Variants in GYS2 observed in about 807,000 individuals in gnomAD.
GYS2 encodes glycogen [starch] synthase, liver.
Under a neutral mutation model 85.6 loss-of-function variants are expected in GYS2, and 80 were observed. That is an observed-to-expected ratio of 0.93 (90% CI 0.78 to 1.13). The LOEUF is 1.13. Among genes scored for constraint, GYS2 ranks in the 50% most tolerant of loss-of-function variants. The pLI is 0.00. For missense variants in GYS2, 881 were observed against 854.9 expected, an observed-to-expected ratio of 1.03 and a Z score of -0.38; for synonymous variants, 328 against 300.7, an observed-to-expected ratio of 1.09 and a Z score of -0.94.
At chr12:21,541,142 C>T (rs191218410) in intron 13 of GYS2, among the ~76,000 whole-genome samples, 213 of 151,832 alleles carry the variant, frequency 1.4e-3, no homozygotes, top group African/African-American at 5.0e-3. Flanking sequence ...GTGGTGTGCG[C>T]CTGTAGCCCC....
rs1358376676 is a variant in GYS2 at position 21,575,925 on chromosome 12, CATG to C, written c.433_435del (p.His145del). 1.2e-6 allele frequency: 2 copies of C among 1,613,916 alleles called. No homozygotes were observed. Among genetic ancestry groups the C allele is most frequent in the Non-Finnish European group, 1.7e-6 (2 of 1,179,850 alleles). On this transcript the variant is annotated inframe_deletion, in exon 3 of 16. Transcript: ENST00000261195. The stretch of plus-strand genomic sequence containing the variant: ...ATCAGCATATCATTGGCTTCTCGGT[CATG>C]ATAAGGAATGCCGACACTGCATGCT...
chr12:21,547,700 T>C (rs1372082062), intron 11 of GYS2, among the ~76,000 whole-genome samples: 1 of 152,150 alleles, frequency 6.6e-6, no homozygotes, highest in Non-Finnish European at 1.5e-5. Flanking sequence ...GATGAATACA[T>C]TTGTCAAAAC....
chr12:21,585,294 C>T (rs1386778990), intron 1 of GYS2, among the ~76,000 whole-genome samples: 1 of 152,112 alleles, frequency 6.6e-6, no homozygotes, highest in East Asian at 1.9e-4. Context: ...ATTAAGATTG[C>T]CACCTGGACA....
At chr12:21,594,591 T>C (rs1341342780) in intron 1 of GYS2, among the ~76,000 whole-genome samples, 1 of 151,816 alleles carries the variant, frequency 6.6e-6, no homozygotes, top group Non-Finnish European at 1.5e-5. Context: ...ATAAAAGAAT[T>C]GAAAAGGACA....
chr12:21,585,016 G>A (rs966038075), intron 1 of GYS2, among the ~76,000 whole-genome samples: 5 of 152,146 alleles, frequency 3.3e-5, no homozygotes, highest in African/African-American at 1.2e-4. Flanking sequence ...CAGGCCTGGG[G>A]CAAAGTTCTC....
At chr12:21,549,768 A>G (rs1025531346) in intron 11 of GYS2, among the ~76,000 whole-genome samples, 3 of 152,240 alleles carry the variant, frequency 2.0e-5, no homozygotes, top group South Asian at 2.1e-4. Flanking sequence ...TTGCATTTTA[A>G]TCAGGTGGTA....
At chr12:21,593,633 C>T (rs187630) in intron 1 of GYS2, among the ~76,000 whole-genome samples, 52,365 of 151,608 alleles carry the variant, frequency 0.35, 9,677 homozygotes, top group African/African-American at 0.46. Context: ...AAAAAGTCTC[C>T]CAAAAAAGAA....
rs971978642 is a variant in GYS2, at chr12:21,576,123, A to C, written c.304-66T>G. 1.3e-5 allele frequency: 17 copies of C among 1,271,664 alleles called. No individual in the cohort carries two copies. The African/African-American group carries it at 2.2e-4, about 16-fold the overall frequency. 78.8% of individuals were successfully genotyped at this position (1,271,664 alleles called of 1,614,324 possible). On this transcript the variant is annotated intron_variant, in intron 2 of 15. Transcript: ENST00000261195. ...ATGCAAGACAGGACAATGTATTTGC[A>C]CTCTGAGGATATAAACTTTATGTAG...
At chr12:21,580,258 C>G in intron 2 of GYS2, 84 bp downstream of exon 2, 1 of 1,217,450 alleles carries the variant, frequency 8.2e-7, no homozygotes. Context: ...AGTGAATGGT[C>G]TTCTCTTGTG....
Position 21,539,248 on chromosome 12 carries a change from G to A in GYS2, c.1890+10C>T. The stretch of plus-strand genomic sequence containing the variant: ...TATAGCTTTCAAAAAAAAATACATT[G>A]AATATTTACCGTTGGTGGTGATGTT... On this transcript the variant is annotated intron_variant, in intron 15 of 15. Coordinates refer to ENST00000261195, the MANE Select transcript of GYS2 (RefSeq NM_021957.4). The A allele has an allele frequency of 6.8e-7, 1 of 1,460,208 alleles. No homozygotes were observed. The highest frequency in any genetic ancestry group is 1.1e-5 in the South Asian group (1 of 87,234). The allele number at this position is 1,460,208 out of a possible 1,614,324, so 90.5% of individuals were successfully genotyped here.
chr12:21,588,897 C>T (rs940890077), intron 1 of GYS2, among the ~76,000 whole-genome samples: 4 of 152,196 alleles, frequency 2.6e-5, no homozygotes, highest in African/African-American at 4.8e-5. Flanking sequence ...AAGAACTTTT[C>T]TTTAAAGTGT....
At chr12:21,567,352 T>A (rs1400616043) in intron 5 of GYS2, among the ~76,000 whole-genome samples, 3 of 151,964 alleles carry the variant, frequency 2.0e-5, no homozygotes, top group Non-Finnish European at 4.4e-5. Flanking sequence ...GAAAGATAAC[T>A]GTAGACAGGA....
intron 11 of GYS2, among the ~76,000 whole-genome samples, chr12:21,548,674 G>A (rs987589402): frequency 3.9e-5 from 6 of 152,004 alleles, no homozygotes; most frequent in African/African-American, 1.2e-4. Flanking sequence ...CAAGAGCATC[G>A]ATATTCTGTA....
intron 11 of GYS2, among the ~76,000 whole-genome samples, chr12:21,547,634 G>T (rs919820354): frequency 6.6e-6 from 1 of 152,098 alleles, no homozygotes; most frequent in African/African-American, 2.4e-5. Context: ...AGGGATGAGT[G>T]GGCAGAGTAT....
chr12:21,556,267 C>T (rs1412997185), intron 11 of GYS2, among the ~76,000 whole-genome samples: 1 of 152,106 alleles, frequency 6.6e-6, no homozygotes, highest in Non-Finnish European at 1.5e-5. Flanking sequence ...CTCCAGGGCC[C>T]AAGCAATCCT....
intron 1 of GYS2, among the ~76,000 whole-genome samples, chr12:21,585,930 A>G (rs1459549976): frequency 1.3e-5 from 2 of 152,152 alleles, no homozygotes; most frequent in Non-Finnish European, 2.9e-5. Context: ...CATAATTATG[A>G]CTTATTGTTG....
At chr12:21,582,818 G>T (rs1243958234) in intron 1 of GYS2, among the ~76,000 whole-genome samples, 1 of 152,114 alleles carries the variant, frequency 6.6e-6, no homozygotes, top group Non-Finnish European at 1.5e-5. Flanking sequence ...TAATGGTATG[G>T]AGAACACTGA....
At chr12:21,552,985 A>G (rs558707163) in intron 11 of GYS2, among the ~76,000 whole-genome samples, 1 of 152,376 alleles carries the variant, frequency 6.6e-6, no homozygotes, top group South Asian at 2.1e-4. Flanking sequence ...ATTCTGGGCT[A>G]AGAACTAAAA....
At chr12:21,568,661 G>T (rs954706948) in intron 5 of GYS2, among the ~76,000 whole-genome samples, 5 of 152,100 alleles carry the variant, frequency 3.3e-5, no homozygotes, top group African/African-American at 1.2e-4. Context: ...AGCACAGATT[G>T]AACACTTAGC....
Sources: allele counts gnomAD v4.1 joint callset (sites outside exome capture counted in the v4.1 genomes callset), GRCh38; gene constraint gnomAD v4.1.1; transcripts MANE v1.5; gene names NCBI Gene and HGNC (gene_info 2026-07-23, HGNC 2026-07-21).